The following TPD52L1 variants were observed in gnomAD, a reference collection of about 807,000 sequenced individuals.
TPD52L1 encodes TPD52 like 1, also known as tumor protein D53.
TPD52L1 carries 18 observed loss-of-function variants against 28.7 expected under a neutral mutation model. The observed-to-expected ratio is 0.63, with a 90% CI of 0.43 to 0.93. The LOEUF is 0.93. TPD52L1 is among the 40% of genes least tolerant of loss of function. The pLI is 0.00. For synonymous variants in TPD52L1, 75 were observed against 88.8 expected, an observed-to-expected ratio of 0.84 and a Z score of 0.88; for missense variants, 203 against 254.8, an observed-to-expected ratio of 0.80 and a Z score of 1.39.
intron 3 of TPD52L1, chr6:125,234,551 T>A (rs1796142188): frequency 6.6e-6 from 1 of 152,226 alleles, no homozygotes; most frequent in Non-Finnish European, 1.5e-5. Context: ...ATTGTTCCTC[T>A]GCTCTATCAA....
intron 1 of TPD52L1, among the ~76,000 whole-genome samples, chr6:125,193,896 G>A (rs532068293): frequency 1.0e-3 from 154 of 152,138 alleles, no homozygotes; most frequent in African/African-American, 3.6e-3. Flanking sequence ...GGGCTTCAAG[G>A]AGCTCACAAC....
chr6:125,172,776 G>GTAGGTGAACCT (rs1415596614), intron 1 of TPD52L1, among the ~76,000 whole-genome samples: 1 of 150,568 alleles, frequency 6.6e-6, no homozygotes, highest in East Asian at 1.9e-4. Flanking sequence ...CTAGAACAGG[G>GTAGGTGAACCT]CTTGACACAC....
intron 6 of TPD52L1, among the ~76,000 whole-genome samples, chr6:125,259,599 G>A (rs549415059): frequency 6.6e-4 from 100 of 152,276 alleles, no homozygotes; most frequent in African/African-American, 2.3e-3. Context: ...CTCCCAATGA[G>A]TCATGAGTAA....
chr6:125,258,397 G>A (rs1261797207), intron 6 of TPD52L1, among the ~76,000 whole-genome samples: 1 of 152,074 alleles, frequency 6.6e-6, no homozygotes, highest in Non-Finnish European at 1.5e-5. Flanking sequence ...TTTTTAAAGG[G>A]AAGAGCATCC....
At chr6:125,231,627 G>T (rs1562338387) in intron 3 of TPD52L1, among the ~76,000 whole-genome samples, 1 of 149,522 alleles carries the variant, frequency 6.7e-6, no homozygotes, top group Non-Finnish European at 1.5e-5. Context: ...TGTTGTTGTT[G>T]TTGTTGTTTG....
At chr6:125,202,020 T>C (rs143197008) in intron 1 of TPD52L1, among the ~76,000 whole-genome samples, 15 of 152,236 alleles carry the variant, frequency 9.9e-5, no homozygotes, top group African/African-American at 3.1e-4. Context: ...TCTATACGTC[T>C]GACCAATGCT....
intron 1 of TPD52L1, among the ~76,000 whole-genome samples, chr6:125,165,362 A>C (rs1360145861): frequency 6.6e-6 from 1 of 152,138 alleles, no homozygotes; most frequent in Non-Finnish European, 1.5e-5. Context: ...TGAAATGGCT[A>C]AAAGGAAGCT....
chr6:125,195,794 A>G (rs1184639262), intron 1 of TPD52L1, among the ~76,000 whole-genome samples: 2 of 152,168 alleles, frequency 1.3e-5, no homozygotes, highest in Non-Finnish European at 2.9e-5. Flanking sequence ...GCTTTCTGCA[A>G]CTTCTCAGAC....
chr6:125,248,481 T>C, intron 4 of TPD52L1, 98 bp downstream of exon 4: 1 of 820,226 alleles, frequency 1.2e-6, no homozygotes, highest in Non-Finnish European at 2.0e-6. Context: ...ATATGTATTT[T>C]TTTATTTTAA....
At chr6:125,172,112 CTTTCTTTCTTT>C (rs1791372249) in intron 1 of TPD52L1, among the ~76,000 whole-genome samples, 3 of 52,938 alleles carry the variant, frequency 5.7e-5, no homozygotes, top group African/African-American at 8.6e-5. Context: ...TTCTTTCTTT[CTTTCTTTCTTT>C]CTTTCTTTCT....
At chr6:125,210,007 G>A (rs1333489367) in intron 1 of TPD52L1, among the ~76,000 whole-genome samples, 1 of 152,018 alleles carries the variant, frequency 6.6e-6, no homozygotes, top group African/African-American at 2.4e-5. Flanking sequence ...GATATTATTA[G>A]TCTCTGTTTA....
chr6:125,248,804 A>T (rs1797077073), intron 4 of TPD52L1, among the ~76,000 whole-genome samples: 1 of 152,196 alleles, frequency 6.6e-6, no homozygotes, highest in African/African-American at 2.4e-5. Context: ...TGTGTTAAAT[A>T]GGTACATATT....
intron 3 of TPD52L1, among the ~76,000 whole-genome samples, chr6:125,247,403 C>T (rs1282777360): frequency 6.6e-6 from 1 of 152,088 alleles, no homozygotes; most frequent in Non-Finnish European, 1.5e-5. Context: ...GCATCACTGT[C>T]CTTCCTGTCA....
At chr6:125,175,362 T>G (rs1791757982) in intron 1 of TPD52L1, among the ~76,000 whole-genome samples, 1 of 152,150 alleles carries the variant, frequency 6.6e-6, no homozygotes, top group Non-Finnish European at 1.5e-5. Flanking sequence ...GTTTAAAAAT[T>G]TTATAAATTA....
At chr6:125,251,286 A>G (rs1797249972) in intron 4 of TPD52L1, among the ~76,000 whole-genome samples, 1 of 152,322 alleles carries the variant, frequency 6.6e-6, no homozygotes, top group African/African-American at 2.4e-5. Context: ...TAGTTACACT[A>G]TAACATTTTT....
At chr6:125,179,110 C>G (rs3799774) in intron 1 of TPD52L1, among the ~76,000 whole-genome samples, 7,393 of 152,304 alleles carry the variant, frequency 0.049, 419 homozygotes, top group East Asian at 0.33. Context: ...TCAGTCTTAA[C>G]AGACATATCT....
intron 1 of TPD52L1, among the ~76,000 whole-genome samples, chr6:125,197,301 G>C (rs978240865): frequency 2.6e-5 from 4 of 152,080 alleles, no homozygotes; most frequent in African/African-American, 9.7e-5. Context: ...TTTCATCTTG[G>C]TAGGTCTGTT....
intron 1 of TPD52L1, among the ~76,000 whole-genome samples, chr6:125,165,005 C>G (rs1156384305): frequency 6.8e-6 from 1 of 146,348 alleles, no homozygotes; most frequent in Admixed American, 7.2e-5. Flanking sequence ...CCCAGCTAAT[C>G]AAGGTGCTGA....
intron 1 of TPD52L1, among the ~76,000 whole-genome samples, chr6:125,172,160 T>C (rs868615604): frequency 0.029 from 1,544 of 52,590 alleles, 6 homozygotes; most frequent in Admixed American, 0.046. Context: ...TTCTTTCTTT[T>C]CTTTCTTTCT....
Sources: allele counts gnomAD v4.1 joint callset (sites outside exome capture counted in the v4.1 genomes callset), GRCh38; gene constraint gnomAD v4.1.1; transcripts MANE v1.5; gene names NCBI Gene and HGNC (gene_info 2026-07-23, HGNC 2026-07-21).